Variants in ROBO1 observed in about 807,000 individuals in gnomAD.
ROBO1 encodes the protein roundabout guidance receptor 1, also known as roundabout homolog 1.
In ROBO1, 149 loss-of-function variants were observed where a neutral mutation model predicts 195.9. That is an observed-to-expected ratio of 0.76 (90% CI 0.67 to 0.87). The LOEUF (loss-of-function observed/expected upper bound fraction) is 0.87. ROBO1 is among the 40% of genes least tolerant of loss of function. ROBO1 has a pLI of 0.00. For synonymous variants in ROBO1, 816 were observed against 733.2 expected (o/e 1.11, Z -1.82); for missense variants, 1,933 against 2,068.3 (o/e 0.93, Z 1.27).
At chr3:79,178,847 G>A (rs1317802313) in intron 2 of ROBO1, among the ~76,000 whole-genome samples, 2 of 152,084 alleles carry the variant, frequency 1.3e-5, no homozygotes, top group African/African-American at 4.8e-5. Context: ...TTGAAATAAC[G>A]TTCAATCTCA....
intron 2 of ROBO1, among the ~76,000 whole-genome samples, chr3:79,395,321 CAAAAAAAAAAAA>C (rs71631647): frequency 6.0e-5 from 3 of 50,166 alleles, no homozygotes; most frequent in Non-Finnish European, 1.4e-4. Flanking sequence ...GACTCCGTCT[CAAAAAAAAAAAA>C]AAAAAAAAAA....
At chr3:79,262,998 G>C (rs1298369325) in intron 2 of ROBO1, among the ~76,000 whole-genome samples, 3 of 151,936 alleles carry the variant, frequency 2.0e-5, no homozygotes, top group Non-Finnish European at 2.9e-5. Context: ...GAGTTTTAGG[G>C]ACTACTTTTA....
intron 3 of ROBO1, among the ~76,000 whole-genome samples, chr3:78,973,287 C>T (rs1325697574): frequency 6.6e-6 from 1 of 151,644 alleles, no homozygotes; most frequent in African/African-American, 2.4e-5. Flanking sequence ...CTTCAAGGCT[C>T]TCTTTATCTC....
chr3:79,205,459 A>G (rs1260354637), intron 2 of ROBO1, among the ~76,000 whole-genome samples: 1 of 152,200 alleles, frequency 6.6e-6, no homozygotes, highest in Admixed American at 6.5e-5. Flanking sequence ...TTCTCCATGC[A>G]TAAGAAATAT....
At chr3:79,747,074 A>G (rs1236544515) in intron 1 of ROBO1, among the ~76,000 whole-genome samples, 3 of 152,042 alleles carry the variant, frequency 2.0e-5, no homozygotes, top group African/African-American at 7.2e-5. Flanking sequence ...AGGTCTAAGT[A>G]GGGAATATAA....
At chr3:78,864,688 GCATGTATGTATATATACATATATACA>G (rs2035057007) in intron 4 of ROBO1, among the ~76,000 whole-genome samples, 1 of 151,354 alleles carries the variant, frequency 6.6e-6, no homozygotes, top group Non-Finnish European at 1.5e-5. Flanking sequence ...TAACTGTAAT[GCATGTATGTATATATACATATATACA>G]CATGTGTGTA....
intron 1 of ROBO1, among the ~76,000 whole-genome samples, chr3:79,670,272 T>C (rs775628438): frequency 2.6e-4 from 40 of 151,876 alleles, no homozygotes; most frequent in Non-Finnish European, 5.0e-4. Context: ...TTCACAAAGA[T>C]GTGCATTTTG....
intron 11 of ROBO1, 79 bp downstream of exon 11, chr3:78,670,017 T>G: frequency 4.5e-6 from 5 of 1,118,934 alleles, no homozygotes; most frequent in Non-Finnish European, 3.8e-6. Context: ...ATTGCAAAGT[T>G]AGAAATTTCA....
intron 3 of ROBO1, among the ~76,000 whole-genome samples, chr3:78,964,340 A>T (rs2041563462): frequency 6.6e-6 from 1 of 152,172 alleles, no homozygotes; most frequent in South Asian, 2.1e-4. Flanking sequence ...CCGTAACCAT[A>T]GGATAAGCAG....
At chr3:79,550,190 A>AGAAAGAAAGAAAG (rs1559984349) in intron 2 of ROBO1, among the ~76,000 whole-genome samples, 6 of 101,730 alleles carry the variant, frequency 5.9e-5, no homozygotes, top group South Asian at 3.7e-4. Context: ...AAAGAAAGAA[A>AGAAAGAAAGAAAG]GAAAGGAAAA....
At chr3:78,659,542 C>G (rs1707245570) in intron 17 of ROBO1, 144 bp downstream of exon 17, 4 of 555,638 alleles carry the variant, frequency 7.2e-6, no homozygotes, top group Non-Finnish European at 1.1e-5. Flanking sequence ...AACAAGAAAG[C>G]GTTTTAAAAA....
Position 78,717,262 on chromosome 3 carries a change from C to T in ROBO1, c.917+13G>A. 6.5e-7 allele frequency: 1 copy of T among 1,543,764 alleles called. No homozygotes were observed. Among genetic ancestry groups the T allele is most frequent in the African/African-American group, 1.4e-5 (1 of 71,660 alleles). On this transcript the variant is annotated intron_variant, in intron 7 of 30. Coordinates refer to ENST00000464233, the MANE Select transcript of ROBO1 (RefSeq NM_002941.4). Reference sequence around the variant, plus strand: ...TGAGTTGACAAATCATATCATGAAACTCTGATGTGTACCTGGATTTGGGCA... The same window carrying T: ...TGAGTTGACAAATCATATCATGAAATTCTGATGTGTACCTGGATTTGGGCA...
chr3:78,949,661 G>A (rs1332219171), intron 3 of ROBO1, among the ~76,000 whole-genome samples: 1 of 151,988 alleles, frequency 6.6e-6, no homozygotes, highest in Admixed American at 6.6e-5. Context: ...ATTGACAAAT[G>A]GGATCTAATT....
At chr3:79,695,025 C>A (rs2107113589) in intron 1 of ROBO1, among the ~76,000 whole-genome samples, 1 of 150,966 alleles carries the variant, frequency 6.6e-6, no homozygotes, top group Non-Finnish European at 1.5e-5. Flanking sequence ...ATTTTAAAAC[C>A]AAAAGAAGAA....
intron 4 of ROBO1, among the ~76,000 whole-genome samples, chr3:78,877,888 T>C (rs1020703841): frequency 6.6e-6 from 1 of 152,206 alleles, no homozygotes; most frequent in African/African-American, 2.4e-5. Flanking sequence ...TTGTGCCACA[T>C]TGAAAGTTTT....
chr3:79,599,075 T>C (rs1175801051), intron 1 of ROBO1, among the ~76,000 whole-genome samples: 1 of 152,080 alleles, frequency 6.6e-6, no homozygotes, highest in East Asian at 1.9e-4. Context: ...CTGTGTACTT[T>C]AGGTTTTACT....
At chr3:79,506,983 T>A (rs11918927) in intron 2 of ROBO1, among the ~76,000 whole-genome samples, 1,599 of 152,322 alleles carry the variant, frequency 0.01, 24 homozygotes, top group Middle Eastern at 0.041. Context: ...ACACTGCCAG[T>A]GCTTTATGCA....
chr3:78,703,199 A>T (rs1305811639), intron 8 of ROBO1, among the ~76,000 whole-genome samples: 1 of 152,014 alleles, frequency 6.6e-6, no homozygotes, highest in Non-Finnish European at 1.5e-5. Flanking sequence ...AGGGAAAAAC[A>T]AAACAAAACA....
chr3:79,721,644 T>C (rs1182387748), intron 1 of ROBO1, among the ~76,000 whole-genome samples: 1 of 152,180 alleles, frequency 6.6e-6, no homozygotes, highest in Non-Finnish European at 1.5e-5. Flanking sequence ...CCCTGACATG[T>C]TGAACTTTTC....
Sources: allele counts gnomAD v4.1 joint callset (sites outside exome capture counted in the v4.1 genomes callset), GRCh38; gene constraint gnomAD v4.1.1; transcripts MANE v1.5; gene names NCBI Gene and HGNC (gene_info 2026-07-23, HGNC 2026-07-21).